The following TBC1D12 variants were observed in gnomAD, a reference collection of about 807,000 sequenced individuals.
TBC1D12 encodes the protein TBC1 domain family member 12, also known as TBC1 domain family, member 12.
TBC1D12 carries 56 observed loss-of-function variants against 86.7 expected under a neutral mutation model. The observed-to-expected ratio is 0.65, with a 90% CI of 0.52 to 0.81. The LOEUF (loss-of-function observed/expected upper bound fraction) is 0.81, where lower values mean the gene tolerates loss of function less well. Ranked by LOEUF, TBC1D12 falls within the 30% of genes least tolerant of loss-of-function variation. The pLI is 0.00. For missense variants in TBC1D12, 1,023 were observed against 1,038.8 expected, an observed-to-expected ratio of 0.98 and a Z score of 0.21; for synonymous variants, 421 against 411.7, an observed-to-expected ratio of 1.02 and a Z score of -0.27.
intron 6 of TBC1D12, 79 bp from the exon 7 acceptor site, chr10:94,507,188 G>T (rs1213788556): frequency 5.7e-6 from 8 of 1,410,880 alleles, no homozygotes; most frequent in African/African-American, 1.5e-5. Context: ...CCTGTAATAG[G>T]TAAAGAGTAA....
In TBC1D12 at chr10:94,535,912, A is replaced by G. The variant is rs968478793; in HGVS notation, c.*2816A>G. On this transcript the variant is annotated 3_prime_UTR_variant, in exon 13 of 13. Coordinates refer to ENST00000225235, the MANE Select transcript of TBC1D12 (RefSeq NM_015188.2). The stretch of plus-strand genomic sequence containing the variant: ...ACTCATAACAATTACTGTGTAAATA[A>G]AACTGGTAAGCAGAGTAATTACTTG... 2.0e-5 allele frequency: 3 copies of G among 152,188 alleles called. No homozygotes were observed. Among genetic ancestry groups the G allele is most frequent in the Non-Finnish European group, 4.4e-5 (3 of 67,996 alleles). The allele number at this position is 152,188 out of a possible 1,614,324, so 9.4% of individuals were successfully genotyped here. A position where few individuals can be genotyped will look rare whatever the true frequency, so the allele number is the denominator to read the frequency against.
At chr10:94,415,839 TTGTAATATACTCCCAGAAGCAC>T (rs2054992124) in intron 1 of TBC1D12, among the ~76,000 whole-genome samples, 1 of 152,242 alleles carries the variant, frequency 6.6e-6, no homozygotes, top group Non-Finnish European at 1.5e-5. Context: ...ATGCCCATCT[TTGTAATATACTCCCAGAAGCAC>T]AGTAATACTG....
At chr10:94,404,817 G>A (rs931495013) in intron 1 of TBC1D12, among the ~76,000 whole-genome samples, 12 of 151,742 alleles carry the variant, frequency 7.9e-5, no homozygotes, top group African/African-American at 2.4e-5. Flanking sequence ...GGAGGCCGAG[G>A]TGGGTGGATC....
chr10:94,431,915 G>T (rs185728319), intron 1 of TBC1D12, among the ~76,000 whole-genome samples: 19 of 152,014 alleles, frequency 1.2e-4, no homozygotes, highest in Admixed American at 1.2e-3. Flanking sequence ...CCTTCAACAC[G>T]AACAACATAG....
Position 94,403,078 on chromosome 10 carries a change from G to GGC in TBC1D12, c.472_473dup (p.Gly159ProfsTer122). On this transcript the variant is annotated frameshift_variant, in exon 1 of 13. Transcript: ENST00000225235. LOFTEE classifies it high-confidence loss of function. ...GCGATCTGGAAGAGGCTCGCGGGCT[G>GGC]GCGCGCGCCGGCGGCCGGGAGTCGC... The GGC allele has an allele frequency of 6.9e-7, 1 of 1,441,756 alleles. No homozygotes were observed. Among genetic ancestry groups the GGC allele is most frequent in the Non-Finnish European group, 9.1e-7 (1 of 1,101,346 alleles). The allele number at this position is 1,441,756 out of a possible 1,614,324, so 89.3% of individuals were successfully genotyped here.
chr10:94,506,378 C>CATTAA (rs2056461153), intron 6 of TBC1D12, among the ~76,000 whole-genome samples: 2 of 152,060 alleles, frequency 1.3e-5, no homozygotes, highest in Non-Finnish European at 2.9e-5. Context: ...CTTGTATTAC[C>CATTAA]TTTAAAAATG....
Position 94,511,817 on chromosome 10 carries a change from G to T in TBC1D12, c.1761+163G>T, listed in dbSNP as rs564800274. 4.9e-4 allele frequency among the ~76,000 whole-genome samples: 75 copies of T among 152,314 alleles called. 1 individual carries two copies. The highest frequency in any genetic ancestry group is 1.6e-3 in the African/African-American group (68 of 41,578). On this transcript the variant is annotated intron_variant, in intron 9 of 12. Coordinates refer to ENST00000225235, the MANE Select transcript of TBC1D12 (RefSeq NM_015188.2). ...GAAGAATCTTTCTATCTCTTGCCAA[G>T]AGCTTATATGTACTTGAGGCTGCCA...
chr10:94,462,253 T>C (rs1209986215), intron 2 of TBC1D12, among the ~76,000 whole-genome samples: 3 of 152,218 alleles, frequency 2.0e-5, no homozygotes, highest in Admixed American at 2.0e-4. Flanking sequence ...ACCAGTGAAA[T>C]AATTTAAGCC....
At chr10:94,500,186 T>C in intron 5 of TBC1D12, 35 bp from the exon 6 acceptor site, 1 of 1,588,194 alleles carries the variant, frequency 6.3e-7, no homozygotes, top group East Asian at 2.2e-5. Flanking sequence ...GTATAAAAAG[T>C]AACTTTCTCC....
intron 1 of TBC1D12, among the ~76,000 whole-genome samples, chr10:94,436,213 T>G (rs2055294221): frequency 6.6e-6 from 1 of 151,882 alleles, no homozygotes; most frequent in East Asian, 1.9e-4. Flanking sequence ...CTCAGCTCAC[T>G]GCACCTCCGC....
At chr10:94,458,756 C>T (rs1160120748) in intron 2 of TBC1D12, among the ~76,000 whole-genome samples, 6 of 152,042 alleles carry the variant, frequency 3.9e-5, no homozygotes, top group Non-Finnish European at 7.4e-5. Flanking sequence ...AAAGGTGGTG[C>T]GTCTGGAGTT....
Position 94,402,837 on chromosome 10 carries a change from C to T in TBC1D12, c.224C>T (p.Ala75Val). The T allele has an allele frequency of 6.5e-7, 1 of 1,537,814 alleles. No individual in the cohort carries two copies. Among genetic ancestry groups the T allele is most frequent in the African/African-American group, 1.4e-5 (1 of 72,004 alleles). Residue 75 changes from alanine (A) to valine (V), a missense_variant, in exon 1 of 13, where the codon GCG becomes GTG. By Grantham distance (64) the Ala-to-Val change is moderately conservative. This residue lies in a region of TBC1D12 where 628 missense variants were observed against 531.1 expected (regional missense o/e 1.18). Transcript: ENST00000225235. Reference protein sequence around the residue: ...PPRQLLQRYLAAAGEQLEPGL... With the variant: ...PPRQLLQRYLVAAGEQLEPGL... ...CGGCAGCTCCTTCAGCGTTACCTCG[C>T]GGCGGCCGGGGAGCAGCTGGAGCCG...
At chr10:94,525,231 G>T (rs952445574) in intron 11 of TBC1D12, among the ~76,000 whole-genome samples, 4 of 152,172 alleles carry the variant, frequency 2.6e-5, no homozygotes, top group African/African-American at 9.7e-5. Context: ...TAGAGCTGAA[G>T]AAATTGAGAT....
At chr10:94,413,979 G>A (rs1024093125) in intron 1 of TBC1D12, among the ~76,000 whole-genome samples, 9 of 151,934 alleles carry the variant, frequency 5.9e-5, no homozygotes, top group African/African-American at 1.9e-4. Context: ...TAGACTGTTC[G>A]TAGCCATCTT....
intron 2 of TBC1D12, among the ~76,000 whole-genome samples, chr10:94,444,721 A>G (rs1589619732): frequency 6.7e-6 from 1 of 148,496 alleles, no homozygotes; most frequent in South Asian, 2.1e-4. Flanking sequence ...GAAAGCCAAG[A>G]CCTCACATTC....
At chr10:94,498,717 A>T (rs1214991708) in intron 5 of TBC1D12, among the ~76,000 whole-genome samples, 1 of 151,644 alleles carries the variant, frequency 6.6e-6, no homozygotes, top group Non-Finnish European at 1.5e-5. Context: ...TGACTTCCCA[A>T]AGTGCTGGAA....
At chr10:94,510,044 G>T in intron 7 of TBC1D12, 47 bp from the exon 8 acceptor site, 7 of 1,425,124 alleles carry the variant, frequency 4.9e-6, no homozygotes, top group African/African-American at 1.4e-5. Flanking sequence ...AATTGGACTT[G>T]TTAGAGCCAA....
At chr10:94,531,694 TTTATG>T (rs201764398) in intron 12 of TBC1D12, among the ~76,000 whole-genome samples, 12 of 119,422 alleles carry the variant, frequency 1.0e-4, no homozygotes, top group South Asian at 2.6e-4. Context: ...TTTATGTTAT[TTTATG>T]TTATGTTATT....
intron 1 of TBC1D12, among the ~76,000 whole-genome samples, chr10:94,430,144 G>A (rs1335561382): frequency 6.6e-6 from 1 of 152,110 alleles, no homozygotes; most frequent in Non-Finnish European, 1.5e-5. Context: ...TCCTTCAGCC[G>A]CCTGAGTAGC....
Sources: gnomAD v4.1 joint callset for allele counts (sites outside exome capture counted in the v4.1 genomes callset) on GRCh38, gnomAD v4.1.1 for gene constraint, gnomAD v4.1.1 regional missense constraint, MANE v1.5 for transcripts, NCBI Gene and HGNC (gene_info 2026-07-23, HGNC 2026-07-21) for gene names.